Variants in PLEKHG1 observed in about 807,000 individuals in gnomAD.
PLEKHG1 encodes pleckstrin homology domain-containing family G member 1.
PLEKHG1 carries 44 observed loss-of-function variants against 100.8 expected under a neutral mutation model. The observed-to-expected ratio is 0.44, with a 90% CI of 0.34 to 0.56. The LOEUF (loss-of-function observed/expected upper bound fraction) is 0.56, where lower values mean the gene tolerates loss of function less well. Ranked by LOEUF, PLEKHG1 falls within the 20% of genes least tolerant of loss-of-function variation. The pLI is 0.01. For synonymous variants in PLEKHG1, 640 were observed against 662.5 expected (o/e 0.97, Z 0.52); for missense variants, 1,545 against 1,720.9 (o/e 0.90, Z 1.81).
At chr6:150,748,311 T>C (rs1181193761) in intron 2 of PLEKHG1, among the ~76,000 whole-genome samples, 1 of 152,234 alleles carries the variant, frequency 6.6e-6, no homozygotes, top group African/African-American at 2.4e-5. Flanking sequence ...TTACCTCCAA[T>C]GGCATGGGAT....
At chr6:150,730,826 T>C (rs1371322598) in intron 1 of PLEKHG1, among the ~76,000 whole-genome samples, 1 of 151,374 alleles carries the variant, frequency 6.6e-6, no homozygotes, top group Non-Finnish European at 1.5e-5. Flanking sequence ...CGCTTGAACC[T>C]GGGAGGCGGA....
intron 7 of PLEKHG1, among the ~76,000 whole-genome samples, chr6:150,808,581 C>T (rs150567532): frequency 0.021 from 3,149 of 152,172 alleles, 56 homozygotes; most frequent in East Asian, 0.078. Flanking sequence ...AAAACCCCAT[C>T]TCGACTAAAA....
chr6:150,659,174 C>T (rs1779087065), intron 3 of PLEKHG1, among the ~76,000 whole-genome samples: 1 of 152,196 alleles, frequency 6.6e-6, no homozygotes, highest in African/African-American at 2.4e-5. Flanking sequence ...ACTCGTGAAC[C>T]TCCTGTTCAT....
chr6:150,659,341 A>T (rs1019122839), intron 3 of PLEKHG1, among the ~76,000 whole-genome samples: 13 of 152,162 alleles, frequency 8.5e-5, no homozygotes, highest in African/African-American at 3.1e-4. Context: ...TTTGGGTACA[A>T]CCAGAACTCT....
intron 3 of PLEKHG1, among the ~76,000 whole-genome samples, chr6:150,779,385 G>A (rs956832017): frequency 1.5e-5 from 2 of 131,504 alleles, no homozygotes; most frequent in Non-Finnish European, 3.1e-5. Flanking sequence ...TCGTTCTGTC[G>A]CCTAGGCTGG....
chr6:150,748,827 T>C (rs921354566), intron 2 of PLEKHG1, among the ~76,000 whole-genome samples: 18 of 152,030 alleles, frequency 1.2e-4, no homozygotes, highest in African/African-American at 4.1e-4. Flanking sequence ...GGTTTCACCA[T>C]GTTGGCCAAG....
At chr6:150,689,980 C>G (rs946561267) in intron 3 of PLEKHG1, among the ~76,000 whole-genome samples, 3 of 152,090 alleles carry the variant, frequency 2.0e-5, no homozygotes. Flanking sequence ...TTGTTTCCCA[C>G]TCCATAGAAT....
intron 3 of PLEKHG1, among the ~76,000 whole-genome samples, chr6:150,679,387 TGTAA>T (rs1779863051): frequency 6.6e-6 from 1 of 152,182 alleles, no homozygotes; most frequent in Non-Finnish European, 1.5e-5. Context: ...GAATATTAAA[TGTAA>T]GTAAGGGAGA....
At chr6:150,642,957 A>G (rs554934141) in intron 2 of PLEKHG1, among the ~76,000 whole-genome samples, 34 of 149,922 alleles carry the variant, frequency 2.3e-4, no homozygotes, top group Non-Finnish European at 4.3e-4. Context: ...AACATTCCCT[A>G]CTTTTTGCAT....
At chr6:150,615,197 T>C (rs1263270355) in intron 1 of PLEKHG1, among the ~76,000 whole-genome samples, 2 of 152,222 alleles carry the variant, frequency 1.3e-5, no homozygotes, top group East Asian at 3.8e-4. Context: ...TGCGACTTCA[T>C]GGTTTGAAGA....
intron 10 of PLEKHG1, among the ~76,000 whole-genome samples, chr6:150,817,844 GA>G (rs1257180787): frequency 2.6e-5 from 4 of 151,892 alleles, no homozygotes. Context: ...TTACAGGCGT[GA>G]GCTACCGCGC....
chr6:150,804,066 T>C, intron 6 of PLEKHG1, among the ~76,000 whole-genome samples: 1 of 147,092 alleles, frequency 6.8e-6, no homozygotes, highest in Non-Finnish European at 1.5e-5. Context: ...TTTCCTATCC[T>C]TGTTTTTTTT....
intron 1 of PLEKHG1, among the ~76,000 whole-genome samples, chr6:150,722,981 C>G (rs978595387): frequency 3.9e-5 from 6 of 152,076 alleles, no homozygotes; most frequent in Non-Finnish European, 5.9e-5. Flanking sequence ...TTTTTTTAGC[C>G]TTTGAAAAAC....
intron 3 of PLEKHG1, among the ~76,000 whole-genome samples, chr6:150,710,461 C>T (rs147885332): frequency 3.7e-4 from 56 of 152,180 alleles, no homozygotes; most frequent in Non-Finnish European, 7.6e-4. Flanking sequence ...CCAGTCCAAG[C>T]GATGAGGCAG....
At chr6:150,665,095 G>C (rs1314755052) in intron 3 of PLEKHG1, among the ~76,000 whole-genome samples, 1 of 152,128 alleles carries the variant, frequency 6.6e-6, no homozygotes, top group Non-Finnish European at 1.5e-5. Flanking sequence ...CAATATAGGT[G>C]ATCTGGGAAC....
chr6:150,810,278 TGACAGGGTCCA>T (rs1787413827), intron 10 of PLEKHG1, among the ~76,000 whole-genome samples: 1 of 148,406 alleles, frequency 6.7e-6, no homozygotes, highest in Non-Finnish European at 1.5e-5. Flanking sequence ...CCAGCCTGGG[TGACAGGGTCCA>T]GACAGGGTCT....
chr6:150,681,281 G>C (rs1223719776), intron 3 of PLEKHG1, among the ~76,000 whole-genome samples: 1 of 152,102 alleles, frequency 6.6e-6, no homozygotes, highest in Non-Finnish European at 1.5e-5. Context: ...CAGCACTTCG[G>C]GAGGCTGAGG....
intron 2 of PLEKHG1, among the ~76,000 whole-genome samples, chr6:150,744,700 T>C (rs1783058225): frequency 2.0e-5 from 3 of 152,192 alleles, no homozygotes. Context: ...ATGAATGTGG[T>C]GACATCCCTC....
chr6:150,715,545 T>C (rs1781396939), intron 3 of PLEKHG1, among the ~76,000 whole-genome samples: 1 of 149,690 alleles, frequency 6.7e-6, no homozygotes, highest in South Asian at 2.1e-4. Context: ...TGGAGTGCAG[T>C]GGCATGATCT....
Sources: gnomAD v4.1 joint callset for allele counts (sites outside exome capture counted in the v4.1 genomes callset) on GRCh38, gnomAD v4.1.1 for gene constraint, MANE v1.5 for transcripts, NCBI Gene and HGNC (gene_info 2026-07-23, HGNC 2026-07-21) for gene names.